Variants in LYPD6B observed in about 807,000 individuals in gnomAD.
The protein encoded by LYPD6B is LY6/PLAUR domain containing 6B, also known as ly6/PLAUR domain-containing protein 6B.
In LYPD6B, 17 loss-of-function variants were observed where a neutral mutation model predicts 22.8. The observed-to-expected ratio is 0.75, with a 90% CI of 0.51 to 1.12. The LOEUF (loss-of-function observed/expected upper bound fraction) is 1.12. Among genes scored for constraint, LYPD6B ranks in the 50% most tolerant of loss-of-function variants. LYPD6B has a pLI of 0.00. For synonymous variants in LYPD6B, 106 were observed against 91.6 expected, an observed-to-expected ratio of 1.16 and a Z score of -0.90; for missense variants, 221 against 258.3, an observed-to-expected ratio of 0.86 and a Z score of 0.99.
At chr2:149,146,195 T>C (rs1689009920) in intron 2 of LYPD6B, among the ~76,000 whole-genome samples, 1 of 152,168 alleles carries the variant, frequency 6.6e-6, no homozygotes, top group African/African-American at 2.4e-5. Context: ...CGTGCAAAAT[T>C]GCAATGACGT....
At chr2:149,084,434 A>G (rs1444973951) in intron 1 of LYPD6B, among the ~76,000 whole-genome samples, 4 of 152,052 alleles carry the variant, frequency 2.6e-5, no homozygotes, top group Non-Finnish European at 4.4e-5. Context: ...TTGACACTCT[A>G]CTTGTCCTTC....
chr2:149,177,669 C>T (rs1691408798), intron 3 of LYPD6B, among the ~76,000 whole-genome samples: 1 of 152,122 alleles, frequency 6.6e-6, no homozygotes, highest in African/African-American at 2.4e-5. Context: ...TCATGCCTGC[C>T]AGGTGCTTCT....
At chr2:149,126,473 AC>A (rs1559015476) in intron 1 of LYPD6B, among the ~76,000 whole-genome samples, 1 of 152,226 alleles carries the variant, frequency 6.6e-6, no homozygotes, top group Non-Finnish European at 1.5e-5. Context: ...AAATGCTATT[AC>A]AAAAATCATA....
At chr2:149,086,752 TA>T (rs1215254994) in intron 1 of LYPD6B, among the ~76,000 whole-genome samples, 3 of 152,164 alleles carry the variant, frequency 2.0e-5, no homozygotes, top group Non-Finnish European at 4.4e-5. Flanking sequence ...AGTCCAAGAT[TA>T]AGGTGATGGC....
intron 1 of LYPD6B, among the ~76,000 whole-genome samples, chr2:149,084,909 C>A (rs963383846): frequency 1.3e-5 from 2 of 152,130 alleles, no homozygotes; most frequent in African/African-American, 4.8e-5. Flanking sequence ...GTCAGCCTAA[C>A]TGTGATTTAG....
intron 2 of LYPD6B, among the ~76,000 whole-genome samples, chr2:149,157,116 T>A (rs983454379): frequency 6.6e-6 from 1 of 152,202 alleles, no homozygotes; most frequent in African/African-American, 2.4e-5. Flanking sequence ...GAGTGCCTTT[T>A]TCATTCTGAG....
At chr2:149,082,024 C>T (rs1525172) in intron 1 of LYPD6B, among the ~76,000 whole-genome samples, 65,091 of 151,942 alleles carry the variant, frequency 0.43, 14,273 homozygotes, top group African/African-American at 0.49. Flanking sequence ...TCACTTTCCA[C>T]ATGGTTTCCC....
intron 3 of LYPD6B, chr2:149,187,760 A>G: frequency 2.4e-6 from 1 of 413,020 alleles, no homozygotes. Context: ...GCAAAAGAAA[A>G]TCTCAAAATG....
chr2:149,195,487 T>G (rs892520079), intron 3 of LYPD6B, among the ~76,000 whole-genome samples: 1 of 152,166 alleles, frequency 6.6e-6, no homozygotes, highest in Admixed American at 6.5e-5. Context: ...AGGCAAATCA[T>G]ATAGATTTAC....
At chr2:149,058,458 A>G (rs1286234202) in intron 1 of LYPD6B, among the ~76,000 whole-genome samples, 2 of 152,204 alleles carry the variant, frequency 1.3e-5, no homozygotes, top group South Asian at 2.1e-4. Flanking sequence ...AGCATCCATT[A>G]TTCTGGGGCT....
chr2:149,115,354 A>G (rs1319971131), intron 1 of LYPD6B, among the ~76,000 whole-genome samples: 1 of 152,188 alleles, frequency 6.6e-6, no homozygotes, highest in African/African-American at 2.4e-5. Flanking sequence ...ACCTTATTGG[A>G]ATGTTTTCAT....
intron 1 of LYPD6B, among the ~76,000 whole-genome samples, chr2:149,057,061 A>T (rs1683835846): frequency 6.6e-6 from 1 of 152,224 alleles, no homozygotes; most frequent in South Asian, 2.1e-4. Flanking sequence ...TCCAGAAAAG[A>T]GTGAAAGTAA....
At chr2:149,066,828 G>T (rs1684358753) in intron 1 of LYPD6B, among the ~76,000 whole-genome samples, 2 of 151,550 alleles carry the variant, frequency 1.3e-5, no homozygotes, top group African/African-American at 4.9e-5. Context: ...TTTTATTTTA[G>T]ATTTAGGGGG....
chr2:149,067,541 G>A (rs780726867), intron 1 of LYPD6B, among the ~76,000 whole-genome samples: 5 of 149,076 alleles, frequency 3.4e-5, no homozygotes, highest in Admixed American at 6.8e-5. Context: ...TATCTTTTCT[G>A]TGTATAATTT....
At chr2:149,057,018 G>T (rs1476543187) in intron 1 of LYPD6B, among the ~76,000 whole-genome samples, 1 of 152,174 alleles carries the variant, frequency 6.6e-6, no homozygotes, top group Non-Finnish European at 1.5e-5. Flanking sequence ...TGCCTGCAAA[G>T]TCAAGCCTGT....
At chr2:149,088,990 A>G (rs1427965501) in intron 1 of LYPD6B, among the ~76,000 whole-genome samples, 2 of 152,168 alleles carry the variant, frequency 1.3e-5, no homozygotes, top group African/African-American at 4.8e-5. Context: ...CCTTTTGAAG[A>G]GTTCTCAAAC....
chr2:149,057,527 A>G (rs544500480), intron 1 of LYPD6B, among the ~76,000 whole-genome samples: 1 of 152,218 alleles, frequency 6.6e-6, no homozygotes, highest in East Asian at 1.9e-4. Flanking sequence ...GAAATAGGAA[A>G]ATAACTACTC....
intron 1 of LYPD6B, among the ~76,000 whole-genome samples, chr2:149,064,739 G>A (rs150305155): frequency 3.9e-5 from 6 of 152,364 alleles, no homozygotes; most frequent in Admixed American, 1.3e-4. Context: ...AATGGCAGAT[G>A]TGGCGTTTGG....
intron 1 of LYPD6B, among the ~76,000 whole-genome samples, chr2:149,096,235 C>G (rs1048456024): frequency 6.6e-6 from 1 of 151,924 alleles, no homozygotes; most frequent in African/African-American, 2.4e-5. Context: ...GAGACACACA[C>G]AGAGAAATAG....
Sources: allele counts gnomAD v4.1 joint callset (sites outside exome capture counted in the v4.1 genomes callset), GRCh38; gene constraint gnomAD v4.1.1; transcripts MANE v1.5; gene names NCBI Gene and HGNC (gene_info 2026-07-23, HGNC 2026-07-21).